The following CNNM2 variants were observed in gnomAD, a reference collection of about 807,000 sequenced individuals.
CNNM2 encodes the protein cyclin and CBS domain divalent metal cation transport mediator 2, also known as metal transporter CNNM2.
A neutral mutation model predicts 66.9 loss-of-function variants in CNNM2; 12 were observed. The ratio of observed to expected loss-of-function variants is 0.18; its 90% CI spans 0.11 to 0.29. The LOEUF (loss-of-function observed/expected upper bound fraction) is 0.29, where lower values mean the gene tolerates loss of function less well. Among genes scored for constraint, CNNM2 ranks in the 10% least tolerant of loss-of-function variants. CNNM2 has a pLI of 1.00. For missense variants in CNNM2, 705 were observed against 1,167.7 expected (o/e 0.60, Z 5.77); for synonymous variants, 557 against 501.8 (o/e 1.11, Z -1.47).
At position 102,918,733 on chromosome 10, in the gene CNNM2, G is replaced by A. The variant is rs1359753567; in HGVS notation, c.253G>A (p.Val85Met). The A allele has an allele frequency of 1.3e-6, 2 of 1,580,896 alleles. No individual in the cohort carries two copies. Among genetic ancestry groups the A allele is most frequent in the African/African-American group, 1.3e-5 (1 of 74,342 alleles). Residue 85 changes from valine (V) to methionine (M), a missense_variant, in exon 1 of 8, where the codon GTG (valine) becomes ATG (methionine). Val to Met is a conservative substitution (Grantham distance 21). Coordinates refer to ENST00000369878, the MANE Select transcript of CNNM2 (RefSeq NM_017649.5). This position sits in a 1 kb window ranked among gnomAD's most constrained non-coding sequence, Gnocchi z 4.1. Reference sequence around the variant, plus strand: ...GCTGCGACTGGAGGACACGAACGACGTGTCGTTCATGGAAGGGGGGGCGCT... The same window carrying A: ...GCTGCGACTGGAGGACACGAACGACATGTCGTTCATGGAAGGGGGGGCGCT... ...IGLRLEDTND[V>M]SFMEGGALRV...
chr10:102,993,810 G>A (rs181189475), intron 1 of CNNM2, among the ~76,000 whole-genome samples: 1 of 152,214 alleles, frequency 6.6e-6, no homozygotes, highest in East Asian at 1.9e-4. Flanking sequence ...TTCCTTCCCA[G>A]AGCCTCAGCA....
rs2065262763 is a variant in CNNM2, at chr10:103,054,309, T to C, written c.1766-20T>C. Reference sequence around the variant, plus strand: ...TGGGATGCATTTCTTTTTTTTTCTCTCTTTTAATTCCTCCCTTAGCTGACA... The same window carrying C: ...TGGGATGCATTTCTTTTTTTTTCTCCCTTTTAATTCCTCCCTTAGCTGACA... On this transcript the variant is annotated intron_variant, in intron 2 of 7. Transcript: ENST00000369878. The surrounding 1 kb of genome is among the most constrained non-coding windows in gnomAD (Gnocchi z 5.2). The C allele has an allele frequency of 6.2e-7, 1 of 1,609,336 alleles. No individual in the cohort carries two copies. The highest frequency in any genetic ancestry group is 8.5e-7 in the Non-Finnish European group (1 of 1,178,406).
In CNNM2 at chr10:102,918,360, C is replaced by T; in HGVS notation, c.-121C>T. Reference sequence around the variant, plus strand: ...TGGCTGAGGTGGAGTCAGTGTCAGTCAGGGAGGCGAACTGCTGAGCACTGG... The same window carrying T: ...TGGCTGAGGTGGAGTCAGTGTCAGTTAGGGAGGCGAACTGCTGAGCACTGG... On this transcript the variant is annotated 5_prime_UTR_variant, in exon 1 of 8. Coordinates refer to ENST00000369878, the MANE Select transcript of CNNM2 (RefSeq NM_017649.5). The surrounding 1 kb of genome is among the most constrained non-coding windows in gnomAD (Gnocchi z 4.1). 6.8e-7 allele frequency: 1 copy of T among 1,472,120 alleles called. No homozygotes were observed. Among genetic ancestry groups the T allele is most frequent in the Non-Finnish European group, 9.0e-7 (1 of 1,111,628 alleles). The allele number at this position is 1,472,120 out of a possible 1,614,324, so 91.2% of individuals were successfully genotyped here.
rs12779991 is a variant in CNNM2, at chr10:103,002,173, A to G, written c.1622-47534A>G. ...AAAATTTCTGCTCCTAAAGGATACC[A>G]TCAAGGAAGTGAAAAGAACCCACAG... On this transcript the variant is annotated intron_variant, in intron 1 of 7. Coordinates refer to ENST00000369878, the MANE Select transcript of CNNM2 (RefSeq NM_017649.5). 0.14 allele frequency among the ~76,000 whole-genome samples: 21,665 copies of G among 152,232 alleles called. 1,733 individuals carry two copies. The highest frequency in any genetic ancestry group is 0.19 in the East Asian group (994 of 5,172).
intron 1 of CNNM2, among the ~76,000 whole-genome samples, chr10:102,999,617 A>C (rs2064076845): frequency 6.6e-6 from 1 of 152,100 alleles, no homozygotes; most frequent in Non-Finnish European, 1.5e-5. Context: ...CTACCTATTT[A>C]ATACAATCCT....
At chr10:103,027,175 A>G (rs1315943951) in intron 1 of CNNM2, among the ~76,000 whole-genome samples, 3 of 152,166 alleles carry the variant, frequency 2.0e-5, no homozygotes, top group Non-Finnish European at 4.4e-5. Flanking sequence ...ATTGTGTATT[A>G]CAAGCTACCT....
At position 103,089,055 on chromosome 10, in the gene CNNM2, C is replaced by T. The variant is rs1201230001; in HGVS notation, c.*11875C>T. The T allele has an allele frequency of 4.6e-6, 1 of 219,112 alleles. No homozygotes were observed. Among genetic ancestry groups the T allele is most frequent in the Non-Finnish European group, 9.2e-6 (1 of 109,134 alleles). 13.6% of individuals were successfully genotyped at this position (219,112 alleles called of 1,614,324 possible). On this transcript the variant is annotated 3_prime_UTR_variant, in exon 8 of 8. Coordinates refer to ENST00000369878, the MANE Select transcript of CNNM2 (RefSeq NM_017649.5). Reference sequence around the variant, plus strand: ...AAGGTAATAAGGATACTGTCTTTTCCCTCAAAATAGAATCCTGCCCTAAAG... The same window carrying T: ...AAGGTAATAAGGATACTGTCTTTTCTCTCAAAATAGAATCCTGCCCTAAAG...
rs574583111 is a variant in CNNM2, at chr10:103,019,798, T to G, written c.1622-29909T>G. Among the ~76,000 whole-genome samples, 48 of 152,304 alleles carry G rather than the reference T, an allele frequency of 3.2e-4. No homozygotes were observed. In the South Asian group the frequency reaches 9.5e-3, roughly 30 times the overall value. ...CCATAATTGTTAGATATGCATAAAT[T>G]GAACTATTCAGCCACTAAAAATCGT... On this transcript the variant is annotated intron_variant, in intron 1 of 7. Coordinates refer to ENST00000369878, the MANE Select transcript of CNNM2 (RefSeq NM_017649.5).
intron 1 of CNNM2, among the ~76,000 whole-genome samples, chr10:102,954,780 G>A (rs1846973434): frequency 6.6e-6 from 1 of 152,120 alleles, no homozygotes; most frequent in African/African-American, 2.4e-5. Context: ...GCTGGAGGTG[G>A]GGACTTCAAG....
At chr10:103,024,466 A>ATTTATT (rs1214673578) in intron 1 of CNNM2, among the ~76,000 whole-genome samples, 9 of 151,960 alleles carry the variant, frequency 5.9e-5, no homozygotes, top group African/African-American at 1.2e-4. Context: ...ACCAAGCAAA[A>ATTTATT]TTTATTTTTA....
rs2066345798 is a variant in CNNM2, at chr10:103,090,135, A to G, written c.*12955A>G. On this transcript the variant is annotated 3_prime_UTR_variant, in exon 8 of 8. Coordinates refer to ENST00000369878, the MANE Select transcript of CNNM2 (RefSeq NM_017649.5). ...ATTGTCTACTGCAGCTGGAAATTGG[A>G]AAAGATGGAGAGGGGAGTTTACTTT... The G allele has an allele frequency of 2.3e-6, 1 of 443,146 alleles. No individual in the cohort carries two copies. Among genetic ancestry groups the G allele is most frequent in the South Asian group, 6.2e-5 (1 of 16,052 alleles). 27.5% of individuals were successfully genotyped at this position (443,146 alleles called of 1,614,324 possible). A position where few individuals can be genotyped will look rare whatever the true frequency, so the allele number is the denominator to read the frequency against.
intron 1 of CNNM2, among the ~76,000 whole-genome samples, chr10:103,009,280 A>G (rs538580398): frequency 6.6e-6 from 1 of 152,230 alleles, no homozygotes; most frequent in Non-Finnish European, 1.5e-5. Context: ...CGTCTCAAAA[A>G]AAACGGAAAA....
chr10:102,918,295 C>G lies in CNNM2; in HGVS notation c.-186C>G. On this transcript the variant is annotated 5_prime_UTR_variant, in exon 1 of 8. Coordinates refer to ENST00000369878, the MANE Select transcript of CNNM2 (RefSeq NM_017649.5). The surrounding 1 kb of genome is among the most constrained non-coding windows in gnomAD (Gnocchi z 4.1). ...CGCGGGAGCAGCCGGCGCTCCTCTC[C>G]CTCCCTCTTTCCCTCCCGCGAGCCT... is the stretch of plus-strand genomic sequence containing the variant. The G allele has an allele frequency of 9.5e-7, 1 of 1,050,650 alleles. No individual in the cohort carries two copies. Among genetic ancestry groups the G allele is most frequent in the Non-Finnish European group, 1.3e-6 (1 of 766,882 alleles). The allele number at this position is 1,050,650 out of a possible 1,614,324, so 65.1% of individuals were successfully genotyped here. A position where few individuals can be genotyped will look rare whatever the true frequency, so the allele number is the denominator to read the frequency against.
chr10:103,028,660 C>A (rs1293174816), intron 1 of CNNM2, among the ~76,000 whole-genome samples: 2 of 152,042 alleles, frequency 1.3e-5, no homozygotes, highest in Admixed American at 6.5e-5. Context: ...AAATTATAAT[C>A]AACTGGCAGT....
At chr10:103,022,301 T>G (rs2064599687) in intron 1 of CNNM2, among the ~76,000 whole-genome samples, 2 of 152,238 alleles carry the variant, frequency 1.3e-5, no homozygotes, top group Non-Finnish European at 2.9e-5. Context: ...GTATTTTATA[T>G]GTAATTTATT....
intron 1 of CNNM2, among the ~76,000 whole-genome samples, chr10:103,017,624 T>C (rs2064479506): frequency 6.6e-6 from 1 of 152,144 alleles, no homozygotes; most frequent in South Asian, 2.1e-4. Context: ...GAGCAAAGAC[T>C]CTTCTTGGAT....
intron 1 of CNNM2, among the ~76,000 whole-genome samples, chr10:103,007,240 CAA>C (rs1281715060): frequency 3.9e-5 from 6 of 152,224 alleles, no homozygotes; most frequent in South Asian, 4.1e-4. Context: ...AAAGGGCAAA[CAA>C]GAGAACAAAG....
chr10:103,018,904 C>G lies in CNNM2; in HGVS notation c.1622-30803C>G, dbSNP rs1279197664. ...GATCTCCTGAACTTGTGATCTACCA[C>G]CTCAGCCTCCCAAAGTGCTGGGATT... On this transcript the variant is annotated intron_variant, in intron 1 of 7. Coordinates refer to ENST00000369878, the MANE Select transcript of CNNM2 (RefSeq NM_017649.5). 1.3e-5 allele frequency among the ~76,000 whole-genome samples: 2 copies of G among 150,390 alleles called. No homozygotes were observed. The highest frequency in any genetic ancestry group is 3.0e-5 in the Non-Finnish European group (2 of 67,622).
intron 1 of CNNM2, among the ~76,000 whole-genome samples, chr10:103,036,003 C>T (rs2064930850): frequency 6.6e-6 from 1 of 152,164 alleles, no homozygotes; most frequent in African/African-American, 2.4e-5. Flanking sequence ...GCTGTCTTGG[C>T]TTTGGGAAAT....
Sources: allele counts gnomAD v4.1 joint callset (sites outside exome capture counted in the v4.1 genomes callset), GRCh38; gene constraint gnomAD v4.1.1; non-coding constraint Gnocchi (gnomAD v3.1); transcripts MANE v1.5; gene names NCBI Gene and HGNC (gene_info 2026-07-23, HGNC 2026-07-21).